The following NR3C2 variants were observed in gnomAD, a reference collection of about 807,000 sequenced individuals.
NR3C2 encodes the protein mineralocorticoid receptor.
In NR3C2, 15 loss-of-function variants were observed where a neutral mutation model predicts 86.4. The ratio of observed to expected loss-of-function variants is 0.17; its 90% CI spans 0.12 to 0.27. NR3C2 has a LOEUF of 0.27. Ranked by LOEUF, NR3C2 falls within the 10% of genes least tolerant of loss-of-function variation. NR3C2 has a pLI of 1.00. For synonymous variants in NR3C2, 458 were observed against 450.5 expected, an observed-to-expected ratio of 1.02 and a Z score of -0.21; for missense variants, 960 against 1,195.6, an observed-to-expected ratio of 0.80 and a Z score of 2.91.
intron 8 of NR3C2, among the ~76,000 whole-genome samples, chr4:148,091,458 G>A (rs1003312724): frequency 1.3e-5 from 2 of 152,252 alleles, no homozygotes; most frequent in Non-Finnish European, 2.9e-5. Context: ...AAATCCAGGC[G>A]CGTGAAGTTA....
chr4:148,250,447 T>C (rs550084642), intron 3 of NR3C2, among the ~76,000 whole-genome samples: 2 of 152,262 alleles, frequency 1.3e-5, no homozygotes, highest in African/African-American at 2.4e-5. Context: ...CAATTTCCAG[T>C]GATCACGACA....
chr4:148,398,249 G>A (rs1747960439), intron 2 of NR3C2, among the ~76,000 whole-genome samples: 1 of 152,136 alleles, frequency 6.6e-6, no homozygotes. Flanking sequence ...TATCTTTTTA[G>A]GAGATGCTAC....
chr4:148,378,217 A>G (rs1746777873), intron 2 of NR3C2, among the ~76,000 whole-genome samples: 1 of 152,102 alleles, frequency 6.6e-6, no homozygotes, highest in Non-Finnish European at 1.5e-5. Context: ...CAATAAGAAA[A>G]CATTCATCCC....
intron 3 of NR3C2, among the ~76,000 whole-genome samples, chr4:148,231,540 C>G (rs1319017072): frequency 1.3e-5 from 2 of 152,188 alleles, no homozygotes; most frequent in Admixed American, 6.5e-5. Context: ...ATTTCTAAAA[C>G]TGCTAATGAT....
intron 8 of NR3C2, among the ~76,000 whole-genome samples, chr4:148,084,573 T>C (rs912211004): frequency 2.0e-5 from 3 of 152,144 alleles, no homozygotes; most frequent in Non-Finnish European, 4.4e-5. Flanking sequence ...TACCAAATTG[T>C]AAAGACCATC....
chr4:148,131,111 C>T (rs1224955717), intron 6 of NR3C2, among the ~76,000 whole-genome samples: 1 of 152,066 alleles, frequency 6.6e-6, no homozygotes, highest in African/African-American at 2.4e-5. Context: ...GGATTACAGG[C>T]GTGAGTCATC....
chr4:148,150,608 G>GA (rs772358660), intron 6 of NR3C2, among the ~76,000 whole-genome samples: 71 of 152,300 alleles, frequency 4.7e-4, no homozygotes, highest in African/African-American at 6.5e-4. Context: ...CATGAGAGCT[G>GA]AAACAAGATG....
At position 148,414,569 on chromosome 4, in the gene NR3C2, C is replaced by T. The variant is rs1560719991; in HGVS notation, c.1757+20535G>A. Among the ~76,000 whole-genome samples, 3 of 152,088 alleles carry T rather than the reference C, an allele frequency of 2.0e-5. No individual in the cohort carries two copies. The South Asian group carries it at 6.2e-4, about 32-fold the overall frequency. ...AACTTTCCAGTAGATAACTATAATCCACCTTGATTGTTACTGATCTCAAAT... is the reference window on the plus strand; with the variant it reads ...AACTTTCCAGTAGATAACTATAATCTACCTTGATTGTTACTGATCTCAAAT... On this transcript the variant is annotated intron_variant, in intron 2 of 8. Coordinates refer to ENST00000358102, the MANE Select transcript of NR3C2 (RefSeq NM_000901.5).
intron 2 of NR3C2, among the ~76,000 whole-genome samples, chr4:148,429,491 TACAA>T (rs934525094): frequency 2.0e-5 from 3 of 152,212 alleles, no homozygotes; most frequent in Non-Finnish European, 1.5e-5. Flanking sequence ...TAGCACAAAA[TACAA>T]ACAATTTCCA....
intron 3 of NR3C2, 120 bp downstream of exon 3, chr4:148,259,858 C>T (rs1740009105): frequency 3.0e-6 from 4 of 1,314,386 alleles, no homozygotes; most frequent in Non-Finnish European, 3.3e-6. Context: ...CTGTTTATCA[C>T]TGACAGATTA....
Position 148,078,864 on chromosome 4 carries a change from TTA to T in NR3C2, c.*2478_*2479del, listed in dbSNP as rs1192423814. ...ATAAATTGCTTCATTTTAAACTAAT[TTA>T]GTGTTTCTTTAAATTATATGAACTT... is the stretch of plus-strand genomic sequence containing the variant. On this transcript the variant is annotated 3_prime_UTR_variant, in exon 9 of 9. Coordinates refer to ENST00000358102, the MANE Select transcript of NR3C2 (RefSeq NM_000901.5). 2.0e-5 allele frequency: 3 copies of T among 152,662 alleles called. No homozygotes were observed. The highest frequency in any genetic ancestry group is 6.5e-5 in the Admixed American group (1 of 15,286). The allele number at this position is 152,662 out of a possible 1,614,324, so 9.5% of individuals were successfully genotyped here.
At chr4:148,276,966 C>T (rs1740991598) in intron 2 of NR3C2, among the ~76,000 whole-genome samples, 1 of 152,212 alleles carries the variant, frequency 6.6e-6, no homozygotes, top group Admixed American at 6.5e-5. Flanking sequence ...TTATTTCAAG[C>T]AAACTCTGAA....
intron 2 of NR3C2, among the ~76,000 whole-genome samples, chr4:148,414,908 A>G (rs1037826706): frequency 2.6e-5 from 4 of 152,228 alleles, no homozygotes; most frequent in Non-Finnish European, 5.9e-5. Context: ...CAGGCCAATT[A>G]CAAACCATGA....
chr4:148,443,618 G>A (rs1750459396), upstream of NR3C2, among the ~76,000 whole-genome samples: 1 of 151,532 alleles, frequency 6.6e-6, no homozygotes, highest in African/African-American at 2.4e-5. Flanking sequence ...AGGACTTTTA[G>A]GCTTCTCATG....
chr4:148,253,825 TCTA>T (rs1260743742), intron 3 of NR3C2, among the ~76,000 whole-genome samples: 3 of 152,144 alleles, frequency 2.0e-5, no homozygotes, highest in Non-Finnish European at 2.9e-5. Flanking sequence ...GAATGTAAGC[TCTA>T]CCAAGGCAGG....
intron 2 of NR3C2, among the ~76,000 whole-genome samples, chr4:148,278,675 T>A (rs185890422): frequency 1.2e-4 from 18 of 152,218 alleles, no homozygotes; most frequent in Non-Finnish European, 2.9e-5. Flanking sequence ...TCAAGAAAGC[T>A]CAGTTTTTAT....
chr4:148,235,644 A>G (rs1738713378), intron 3 of NR3C2, among the ~76,000 whole-genome samples: 1 of 152,174 alleles, frequency 6.6e-6, no homozygotes, highest in Non-Finnish European at 1.5e-5. Flanking sequence ...ATAGGTGTAC[A>G]GTCTATTGAT....
At chr4:148,280,455 G>A (rs1741176145) in intron 2 of NR3C2, among the ~76,000 whole-genome samples, 1 of 152,108 alleles carries the variant, frequency 6.6e-6, no homozygotes. Context: ...AAGAATGGGA[G>A]TTTTCACATT....
chr4:148,136,056 C>CAAAAAAAAAAAAAAAAAAAAA (rs199716496), intron 6 of NR3C2, among the ~76,000 whole-genome samples: 6 of 71,176 alleles, frequency 8.4e-5, no homozygotes, highest in African/African-American at 2.0e-4. Flanking sequence ...GACTCCGTCT[C>CAAAAAAAAAAAAAAAAAAAAA]AAAAAAAAAA....
Sources: allele counts gnomAD v4.1 joint callset (sites outside exome capture counted in the v4.1 genomes callset), GRCh38; gene constraint gnomAD v4.1.1; transcripts MANE v1.5; gene names NCBI Gene and HGNC (gene_info 2026-07-23, HGNC 2026-07-21).